The following LRRTM4 variants were observed in gnomAD, a reference collection of about 807,000 sequenced individuals.
LRRTM4 encodes the protein leucine-rich repeat transmembrane neuronal protein 4.
LRRTM4 carries 25 observed loss-of-function variants against 47.6 expected under a neutral mutation model. The ratio of observed to expected loss-of-function variants is 0.53; its 90% confidence interval spans 0.38 to 0.73. The LOEUF is 0.73. Ranked by LOEUF, LRRTM4 falls within the 30% of genes least tolerant of loss-of-function variation. LRRTM4 has a pLI of 0.00. For synonymous variants in LRRTM4, 311 were observed against 269.5 expected (o/e 1.15, Z -1.51); for missense variants, 638 against 713.4 (o/e 0.89, Z 1.20).
intron 3 of LRRTM4, among the ~76,000 whole-genome samples, chr2:76,824,239 A>G (rs76614092): frequency 0.072 from 10,881 of 151,592 alleles, 441 homozygotes; most frequent in Middle Eastern, 0.14. Flanking sequence ...CCGTTTGTAT[A>G]ATCTTTCAAT....
At chr2:77,336,613 G>T (rs772861760) in intron 3 of LRRTM4, among the ~76,000 whole-genome samples, 3 of 152,018 alleles carry the variant, frequency 2.0e-5, no homozygotes, top group African/African-American at 7.2e-5. Context: ...AAAGCAAAAA[G>T]CTATATGCTT....
intron 3 of LRRTM4, among the ~76,000 whole-genome samples, chr2:77,128,677 G>T (rs1404377221): frequency 6.6e-6 from 1 of 152,106 alleles, no homozygotes; most frequent in African/African-American, 2.4e-5. Flanking sequence ...TTGTCCCCCA[G>T]GCTGGAGGCT....
intron 3 of LRRTM4, among the ~76,000 whole-genome samples, chr2:77,240,420 G>T (rs1163526130): frequency 6.6e-6 from 1 of 151,878 alleles, no homozygotes. Flanking sequence ...CAGCAAGCTA[G>T]AAATGAAAGA....
At chr2:76,816,568 T>A (rs906300282) in intron 3 of LRRTM4, among the ~76,000 whole-genome samples, 13 of 151,904 alleles carry the variant, frequency 8.6e-5, no homozygotes, top group African/African-American at 2.2e-4. Context: ...TTTATTTTTT[T>A]ATTTTTTTTG....
intron 3 of LRRTM4, among the ~76,000 whole-genome samples, chr2:77,199,089 C>T (rs1673906810): frequency 6.6e-6 from 1 of 152,042 alleles, no homozygotes; most frequent in Non-Finnish European, 1.5e-5. Context: ...CTGTGTTTTT[C>T]TGATAATACT....
chr2:77,246,754 C>T (rs1675456899), intron 3 of LRRTM4, among the ~76,000 whole-genome samples: 2 of 151,800 alleles, frequency 1.3e-5, no homozygotes, highest in African/African-American at 2.4e-5. Context: ...GATGTGTGTA[C>T]ATATGTATAG....
intron 3 of LRRTM4, among the ~76,000 whole-genome samples, chr2:77,130,059 G>A (rs1283238257): frequency 6.6e-6 from 1 of 152,116 alleles, no homozygotes. Flanking sequence ...TCTATGTTTA[G>A]TATCCAAAGA....
intron 3 of LRRTM4, among the ~76,000 whole-genome samples, chr2:77,276,896 A>G (rs1398676711): frequency 6.6e-6 from 1 of 151,462 alleles, no homozygotes; most frequent in African/African-American, 2.4e-5. Flanking sequence ...GGAAATAATC[A>G]GGAAAAGAGG....
chr2:77,356,032 T>A (rs1671954076), intron 3 of LRRTM4, among the ~76,000 whole-genome samples: 1 of 152,172 alleles, frequency 6.6e-6, no homozygotes, highest in African/African-American at 2.4e-5. Context: ...AGGTAGAGGC[T>A]GCAGTGAGCC....
intron 3 of LRRTM4, among the ~76,000 whole-genome samples, chr2:77,170,974 G>C (rs892349066): frequency 1.0e-5 from 1 of 97,210 alleles, no homozygotes; most frequent in Non-Finnish European, 2.2e-5. Flanking sequence ...GTATACTAAA[G>C]TACACATATA....
At chr2:76,792,829 G>C (rs1186727650) in intron 3 of LRRTM4, among the ~76,000 whole-genome samples, 1 of 152,138 alleles carries the variant, frequency 6.6e-6, no homozygotes, top group African/African-American at 2.4e-5. Flanking sequence ...CTGTGGCTTG[G>C]AAGCACATTC....
At chr2:77,484,956 G>T (rs1340794660) in intron 3 of LRRTM4, among the ~76,000 whole-genome samples, 1 of 152,024 alleles carries the variant, frequency 6.6e-6, no homozygotes, top group African/African-American at 2.4e-5. Context: ...TTGAAACTTT[G>T]CAGAAAGACT....
chr2:77,240,375 A>T (rs1675224130), intron 3 of LRRTM4, among the ~76,000 whole-genome samples: 1 of 151,984 alleles, frequency 6.6e-6, no homozygotes, highest in African/African-American at 2.4e-5. Flanking sequence ...GAATAAATGG[A>T]TTTTAAGTAT....
In LRRTM4 at chr2:77,131,616, A is replaced by G. The variant is rs142713356; in HGVS notation, c.1552-382700T>C. On this transcript the variant is annotated intron_variant, in intron 3 of 3. Transcript: ENST00000409884. ...GAAAGAGCCAAACCCAAATTTCTCT[A>G]TTATTTCATTTTGTCAAAGATAAGG... Among the ~76,000 whole-genome samples the G allele has an allele frequency of 9.0e-3, 1,373 of 152,160 alleles. 13 individuals are homozygous for G. The highest frequency in any genetic ancestry group is 0.012 in the Non-Finnish European group (836 of 67,982).
intron 3 of LRRTM4, among the ~76,000 whole-genome samples, chr2:76,943,318 C>A (rs1675213463): frequency 6.6e-6 from 1 of 152,162 alleles, no homozygotes; most frequent in Admixed American, 6.5e-5. Context: ...CGCCTGTGGT[C>A]CCAGCTACTC....
intron 3 of LRRTM4, among the ~76,000 whole-genome samples, chr2:76,806,379 C>T (rs1033220621): frequency 2.0e-5 from 3 of 151,948 alleles, no homozygotes; most frequent in Non-Finnish European, 4.4e-5. Flanking sequence ...GTCAGGAGTT[C>T]GAGACCAGCC....
At chr2:77,217,437 T>C (rs1199249187) in intron 3 of LRRTM4, among the ~76,000 whole-genome samples, 3 of 25,986 alleles carry the variant, frequency 1.2e-4, no homozygotes, top group African/African-American at 3.7e-4. Flanking sequence ...TATCTCCAAA[T>C]GAAATATATA....
intron 3 of LRRTM4, among the ~76,000 whole-genome samples, chr2:77,015,673 T>C (rs1468676774): frequency 6.6e-6 from 1 of 151,930 alleles, no homozygotes; most frequent in Non-Finnish European, 1.5e-5. Flanking sequence ...ATTTTTGAAG[T>C]AGGAAATAAA....
intron 3 of LRRTM4, among the ~76,000 whole-genome samples, chr2:77,439,532 CA>C (rs146471607): frequency 2.0e-5 from 3 of 151,694 alleles, no homozygotes; most frequent in South Asian, 2.1e-4. Context: ...GAAATCTGTA[CA>C]AAAAAAATCT....
Sources: allele counts gnomAD v4.1 joint callset (sites outside exome capture counted in the v4.1 genomes callset), GRCh38; gene constraint gnomAD v4.1.1; transcripts MANE v1.5; gene names NCBI Gene and HGNC (gene_info 2026-07-23, HGNC 2026-07-21).